SLC14A2: variants seen among roughly 807,000 people sequenced by gnomAD.
The protein encoded by SLC14A2 is solute carrier family 14 member 2.
Under a neutral mutation model 104.6 loss-of-function variants are expected in SLC14A2, and 91 were observed. The ratio of observed to expected loss-of-function variants is 0.87; its 90% CI spans 0.73 to 1.04. SLC14A2 has a LOEUF of 1.04. Ranked by LOEUF, SLC14A2 falls within the 50% of genes least tolerant of loss-of-function variation. The pLI, the probability that SLC14A2 is intolerant of heterozygous loss-of-function variation, is 0.00. For missense variants in SLC14A2, 1,189 were observed against 1,156.0 expected (o/e 1.03, Z -0.41); for synonymous variants, 476 against 466.4 (o/e 1.02, Z -0.27).
chr18:45,651,949 T>C (rs978830851), intron 10 of SLC14A2, among the ~76,000 whole-genome samples: 2 of 152,176 alleles, frequency 1.3e-5, no homozygotes, highest in Non-Finnish European at 2.9e-5. Context: ...TTCCCATCAC[T>C]CTCCTCTCTG....
intron 1 of SLC14A2, among the ~76,000 whole-genome samples, chr18:45,289,031 C>T (rs2084843206): frequency 6.6e-6 from 1 of 152,198 alleles, no homozygotes; most frequent in Non-Finnish European, 1.5e-5. Flanking sequence ...AGAGTAATCC[C>T]AAGTCCTGAG....
chr18:45,415,237 A>G (rs1487457232), intron 1 of SLC14A2, among the ~76,000 whole-genome samples: 2 of 152,154 alleles, frequency 1.3e-5, no homozygotes, highest in African/African-American at 4.8e-5. Context: ...GTAAAGAAAC[A>G]TGCTTTGGAT....
intron 1 of SLC14A2, among the ~76,000 whole-genome samples, chr18:45,291,830 TG>T (rs201377532): frequency 5.0e-5 from 7 of 139,216 alleles, no homozygotes; most frequent in Admixed American, 1.4e-4. Flanking sequence ...CGGGGGCGGT[TG>T]GGGGGGTGGG....
chr18:45,427,036 G>A (rs2086443608), intron 1 of SLC14A2, among the ~76,000 whole-genome samples: 1 of 152,042 alleles, frequency 6.6e-6, no homozygotes, highest in Admixed American at 6.6e-5. Context: ...TGGCTGAGTT[G>A]AGACTGGCTT....
chr18:45,622,510 G>A (rs1448682967), intron 1 of SLC14A2, among the ~76,000 whole-genome samples: 1 of 152,154 alleles, frequency 6.6e-6, no homozygotes, highest in Non-Finnish European at 1.5e-5. Context: ...AAACTGGGCT[G>A]GAAATGTGAG....
At chr18:45,471,952 C>T (rs938699995) in intron 1 of SLC14A2, among the ~76,000 whole-genome samples, 9 of 151,844 alleles carry the variant, frequency 5.9e-5, no homozygotes, top group African/African-American at 1.5e-4. Context: ...TAGGTATACA[C>T]GTGCCATGGT....
the SLC14A2 span, among the ~76,000 whole-genome samples, chr18:45,207,290 AAGGT>A: frequency 2.7e-5 from 4 of 149,582 alleles, no homozygotes; most frequent in African/African-American, 9.8e-5. Context: ...AAAGAAGAGA[AAGGT>A]AGGAGGGAGA....
At chr18:45,500,165 T>C (rs2043168528) in intron 2 of SLC14A2, among the ~76,000 whole-genome samples, 1 of 152,246 alleles carries the variant, frequency 6.6e-6, no homozygotes, top group Non-Finnish European at 1.5e-5. Flanking sequence ...TTATCCTTTG[T>C]AGAAATAATC....
intron 1 of SLC14A2, among the ~76,000 whole-genome samples, chr18:45,225,955 A>T (rs1453512144): frequency 6.6e-6 from 1 of 152,186 alleles, no homozygotes; most frequent in Non-Finnish European, 1.5e-5. Flanking sequence ...TCTACAAAGA[A>T]CTTAAACAAA....
chr18:45,436,121 C>T (rs768747059), intron 1 of SLC14A2, among the ~76,000 whole-genome samples: 3 of 151,984 alleles, frequency 2.0e-5, no homozygotes, highest in Non-Finnish European at 4.4e-5. Flanking sequence ...TTTGGGGGTA[C>T]CACCTTTTAA....
rs2045232692 is a variant in SLC14A2, at chr18:45,624,743, A to T, written c.79A>T (p.Ser27Cys). The T allele has an allele frequency of 1.2e-6, 2 of 1,613,428 alleles. No homozygotes were observed. Among genetic ancestry groups the T allele is most frequent in the Non-Finnish European group, 1.7e-6 (2 of 1,179,804 alleles). The change falls in exon 2 of 20, where the codon AGC becomes TGC. Residue 27 changes from serine to cysteine, a missense_variant. Transcript: ENST00000255226. ...RYKLYEAEFTSPSWPSTSPDT... is the reference protein window; with the variant it reads ...RYKLYEAEFTCPSWPSTSPDT... ...CAAACTCTACGAGGCAGAGTTTACC[A>T]GCCCGAGCTGGCCCTCGACATCCCC...
chr18:45,203,878 G>A, the SLC14A2 span, among the ~76,000 whole-genome samples: 106 of 152,320 alleles, frequency 7.0e-4, 1 homozygote, highest in African/African-American at 2.4e-3. Flanking sequence ...CAGAATGAGT[G>A]TGTCAAACAC....
intron 1 of SLC14A2, among the ~76,000 whole-genome samples, chr18:45,337,279 C>G (rs2085346800): frequency 6.6e-6 from 1 of 151,998 alleles, no homozygotes; most frequent in African/African-American, 2.4e-5. Flanking sequence ...CTGACCCATG[C>G]CGATTATTTA....
At chr18:45,455,993 G>A (rs1275184246) in intron 1 of SLC14A2, among the ~76,000 whole-genome samples, 2 of 152,118 alleles carry the variant, frequency 1.3e-5, no homozygotes, top group Non-Finnish European at 2.9e-5. Context: ...GAGGGTGCTG[G>A]GAGTTAGTTC....
intron 1 of SLC14A2, among the ~76,000 whole-genome samples, chr18:45,435,020 T>A (rs1452016086): frequency 2.0e-5 from 3 of 152,214 alleles, no homozygotes; most frequent in Admixed American, 1.3e-4. Context: ...TGCTAACTAG[T>A]ATTTTCTATA....
At chr18:45,621,692 C>T (rs981056576) in intron 1 of SLC14A2, among the ~76,000 whole-genome samples, 5 of 152,188 alleles carry the variant, frequency 3.3e-5, no homozygotes, top group African/African-American at 9.7e-5. Flanking sequence ...GAGGAGGCCA[C>T]CGTCCTCATG....
chr18:45,610,584 G>C (rs1211579579), upstream of SLC14A2, among the ~76,000 whole-genome samples: 1 of 152,148 alleles, frequency 6.6e-6, no homozygotes, highest in Non-Finnish European at 1.5e-5. Context: ...GAAGGGGAAG[G>C]CATTCTAGAA....
At chr18:45,391,936 T>C (rs955811607) in intron 1 of SLC14A2, among the ~76,000 whole-genome samples, 1 of 152,238 alleles carries the variant, frequency 6.6e-6, no homozygotes, top group African/African-American at 2.4e-5. Context: ...TTTAATTAGA[T>C]CCCACTTGTC....
chr18:45,218,009 T>G (rs1356202074), intron 1 of SLC14A2, among the ~76,000 whole-genome samples: 1 of 152,230 alleles, frequency 6.6e-6, no homozygotes, highest in African/African-American at 2.4e-5. Context: ...TTACTTGTTT[T>G]ATTGTAGTAA....
Sources: gnomAD v4.1 joint callset for allele counts (sites outside exome capture counted in the v4.1 genomes callset) on GRCh38, gnomAD v4.1.1 for gene constraint, MANE v1.5 for transcripts, NCBI Gene and HGNC (gene_info 2026-07-23, HGNC 2026-07-21) for gene names.